FMNL2: variants seen among roughly 807,000 people sequenced by gnomAD.
FMNL2 encodes formin like 2, also known as formin-like protein 2.
FMNL2 carries 51 observed loss-of-function variants against 130.2 expected under a neutral mutation model. The ratio of observed to expected loss-of-function variants is 0.39; its 90% CI spans 0.31 to 0.49. The LOEUF (loss-of-function observed/expected upper bound fraction) is 0.49. FMNL2 is among the 20% of genes least tolerant of loss of function. FMNL2 has a pLI of 0.85. For missense variants in FMNL2, 977 were observed against 1,316.2 expected (o/e 0.74, Z 3.99); for synonymous variants, 465 against 467.1 (o/e 1.00, Z 0.06).
intron 6 of FMNL2, among the ~76,000 whole-genome samples, chr2:152,568,415 A>G (rs979336076): frequency 2.0e-5 from 3 of 151,970 alleles, no homozygotes; most frequent in Admixed American, 1.3e-4. Context: ...GGGTTTTACC[A>G]TATTGGCCAG....
At chr2:152,443,152 CG>C in intron 1 of FMNL2, among the ~76,000 whole-genome samples, 1 of 152,218 alleles carries the variant, frequency 6.6e-6, no homozygotes, top group South Asian at 2.1e-4. Flanking sequence ...GAGGTGAAGC[CG>C]GGGTTTCTGG....
chr2:152,437,224 G>C (rs545061513), intron 1 of FMNL2, among the ~76,000 whole-genome samples: 5 of 152,238 alleles, frequency 3.3e-5, no homozygotes, highest in African/African-American at 1.2e-4. Flanking sequence ...TGAATTTGTG[G>C]GGTGGGGAAG....
At chr2:152,368,134 G>A (rs529798277) in intron 1 of FMNL2, among the ~76,000 whole-genome samples, 1 of 152,122 alleles carries the variant, frequency 6.6e-6, no homozygotes, top group Non-Finnish European at 1.5e-5. Context: ...CCTCAGAAGT[G>A]ATGAGAAACA....
chr2:152,531,860 A>G (rs116477718), intron 2 of FMNL2, among the ~76,000 whole-genome samples: 288 of 152,202 alleles, frequency 1.9e-3, no homozygotes, highest in African/African-American at 6.8e-3. Flanking sequence ...TTTAGTTTTT[A>G]TGTTTTAGAA....
At chr2:152,486,092 C>T (rs922498864) in intron 1 of FMNL2, among the ~76,000 whole-genome samples, 3 of 152,262 alleles carry the variant, frequency 2.0e-5, no homozygotes, top group African/African-American at 7.2e-5. Flanking sequence ...TCATGCTAGT[C>T]CCCATGGTTA....
chr2:152,536,494 T>A (rs1425334058), intron 2 of FMNL2, among the ~76,000 whole-genome samples: 1 of 152,222 alleles, frequency 6.6e-6, no homozygotes, highest in Non-Finnish European at 1.5e-5. Context: ...GAAGAAAACA[T>A]TCAAGTGTAG....
At chr2:152,451,867 G>A (rs1019652129) in intron 1 of FMNL2, among the ~76,000 whole-genome samples, 1 of 152,160 alleles carries the variant, frequency 6.6e-6, no homozygotes, top group Non-Finnish European at 1.5e-5. Flanking sequence ...GCCTAGGCCT[G>A]TGTGGGGTAA....
chr2:152,506,277 G>A (rs1255309327), intron 1 of FMNL2, among the ~76,000 whole-genome samples: 1 of 152,064 alleles, frequency 6.6e-6, no homozygotes, highest in Non-Finnish European at 1.5e-5. Context: ...TTTAGAATAT[G>A]GTCTTTCCTT....
At chr2:152,643,314 C>A in intron 25 of FMNL2, 1 of 1,471,314 alleles carries the variant, frequency 6.8e-7, no homozygotes. Flanking sequence ...TCCCCACCCC[C>A]ATCCCCAGGT....
intron 1 of FMNL2, among the ~76,000 whole-genome samples, chr2:152,473,606 A>G (rs775620865): frequency 8.5e-5 from 13 of 152,226 alleles, no homozygotes; most frequent in Admixed American, 2.0e-4. Flanking sequence ...ATTAGTCAAA[A>G]GTTCCTTTTG....
At chr2:152,571,665 GGTAAACTAGGAT>G in intron 6 of FMNL2, among the ~76,000 whole-genome samples, 1 of 152,306 alleles carries the variant, frequency 6.6e-6, no homozygotes, top group African/African-American at 2.4e-5. Context: ...TATTCAAACA[GGTAAACTAGGAT>G]GATCAGTGTT....
Position 152,357,655 on chromosome 2 carries a change from A to AATATTAAATCAGTTTAATGTATAACTAT in FMNL2, c.117+21954_117+21981dup, listed in dbSNP as rs1450953737. On this transcript the variant is annotated intron_variant, in intron 1 of 25. Transcript: ENST00000288670. Reference sequence around the variant, plus strand: ...TAAATCAGTTTAATGTATAACGATAAATATTAAATCAGTTTAATGTATAAC... The same window carrying AATATTAAATCAGTTTAATGTATAACTAT: ...TAAATCAGTTTAATGTATAACGATAAATATTAAATCAGTTTAATGTATAACTATATATTAAATCAGTTTAATGTATAAC... 8.0e-5 allele frequency among the ~76,000 whole-genome samples: 12 copies of AATATTAAATCAGTTTAATGTATAACTAT among 150,298 alleles called. 2 individuals carry two copies. Among genetic ancestry groups the AATATTAAATCAGTTTAATGTATAACTAT allele is most frequent in the African/African-American group, 1.9e-4 (8 of 41,150 alleles).
chr2:152,418,498 C>T (rs1686737545), intron 1 of FMNL2, among the ~76,000 whole-genome samples: 1 of 152,134 alleles, frequency 6.6e-6, no homozygotes, highest in South Asian at 2.1e-4. Flanking sequence ...TGTTCTCCTT[C>T]TCAGTCCCCA....
Position 152,642,965 on chromosome 2 carries a change from T to C in FMNL2, c.3169+2051T>C, listed in dbSNP as rs905743780. Among the ~76,000 whole-genome samples, 3 of 152,046 alleles carry C rather than the reference T, an allele frequency of 2.0e-5. No individual in the cohort carries two copies. The South Asian group carries it at 6.2e-4, about 32-fold the overall frequency. ...TGGAAGTTGCAGTGAGCTGAGATCATGCCACTGCACTCCAGCCTGGGCAAT... is the reference window on the plus strand; with the variant it reads ...TGGAAGTTGCAGTGAGCTGAGATCACGCCACTGCACTCCAGCCTGGGCAAT... On this transcript the variant is annotated intron_variant, in intron 25 of 25. Coordinates refer to ENST00000288670, the MANE Select transcript of FMNL2 (RefSeq NM_052905.4).
chr2:152,619,712 T>C lies in FMNL2; in HGVS notation c.1831T>C (p.Leu611=), dbSNP rs1207989591. The change falls in exon 15 of 26, where the codon TTA becomes CTA. Residue 611 remains leucine (L), a synonymous_variant. Coordinates refer to ENST00000288670, the MANE Select transcript of FMNL2 (RefSeq NM_052905.4). ...SSPTVVFNSG[L]AAVKIKKPIK... ...ACCCACAGTGGTTTTCAACTCAGGA[T>C]TAGCAGGTAAGAGCACAGAATTCAA... 2 of 1,611,014 alleles carry C rather than the reference T, an allele frequency of 1.2e-6. No homozygotes were observed. Among genetic ancestry groups the C allele is most frequent in the South Asian group, 2.2e-5 (2 of 89,752 alleles).
chr2:152,404,231 G>A (rs1212009203), intron 1 of FMNL2, among the ~76,000 whole-genome samples: 1 of 152,100 alleles, frequency 6.6e-6, no homozygotes, highest in African/African-American at 2.4e-5. Flanking sequence ...TTCAATGAAT[G>A]TAACTGTTAC....
chr2:152,607,016 T>TTG (rs1553485800), intron 9 of FMNL2, among the ~76,000 whole-genome samples: 60 of 141,438 alleles, frequency 4.2e-4, no homozygotes, highest in South Asian at 2.2e-3. Context: ...GTTTTTTTTT[T>TTG]TTTTTTTTAC....
At chr2:152,401,754 A>C (rs1335104413) in intron 1 of FMNL2, among the ~76,000 whole-genome samples, 2 of 151,966 alleles carry the variant, frequency 1.3e-5, no homozygotes, top group African/African-American at 4.8e-5. Flanking sequence ...CCTAAAGTTC[A>C]TTTCTGACAG....
At chr2:152,427,284 C>T (rs1458530555) in intron 1 of FMNL2, among the ~76,000 whole-genome samples, 1 of 152,174 alleles carries the variant, frequency 6.6e-6, no homozygotes, top group Admixed American at 6.5e-5. Flanking sequence ...TGGTGGCTCA[C>T]ACCTGCAATA....
Sources: allele counts gnomAD v4.1 joint callset (sites outside exome capture counted in the v4.1 genomes callset), GRCh38; gene constraint gnomAD v4.1.1; transcripts MANE v1.5; gene names NCBI Gene and HGNC (gene_info 2026-07-23, HGNC 2026-07-21).